CCDC9: variants seen among roughly 807,000 people sequenced by gnomAD.
CCDC9 encodes coiled-coil domain containing 9.
In CCDC9, 52 loss-of-function variants were observed where a neutral mutation model predicts 65.6. The ratio of observed to expected loss-of-function variants is 0.79; its 90% confidence interval spans 0.63 to 1.00. The LOEUF (loss-of-function observed/expected upper bound fraction) is 1.00. Among genes scored for constraint, CCDC9 ranks in the 50% least tolerant of loss-of-function variants. The pLI, the probability that CCDC9 is intolerant of heterozygous loss-of-function variation, is 0.00. For synonymous variants in CCDC9, 332 were observed against 280.3 expected (o/e 1.18, Z -1.84); for missense variants, 834 against 757.2 (o/e 1.10, Z -1.19).
At chr19:47,270,301 A>T (rs2059107219) in intron 8 of CCDC9, 106 bp from the exon 9 acceptor site, 2 of 1,083,090 alleles carry the variant, frequency 1.8e-6, no homozygotes, top group South Asian at 1.4e-5. Context: ...TGTCTGGTTG[A>T]CCGTCTGTCT....
chr19:47,273,654 G>A (rs1444677187), downstream of CCDC9: 1 of 391,082 alleles, frequency 2.6e-6, no homozygotes, highest in East Asian at 3.6e-5. Flanking sequence ...TCACGGCACT[G>A]GGACGGCTGG....
At chr19:47,273,291 G>A (rs1213886919), downstream of CCDC9, 1 of 989,096 alleles carries the variant, frequency 1.0e-6, no homozygotes, top group Non-Finnish European at 1.3e-6. Context: ...CGGGGGAGGG[G>A]TGCTGGGCCG....
At position 47,270,464 on chromosome 19, in the gene CCDC9, G is replaced by A. The variant is rs990933050; in HGVS notation, c.949+11G>A. On this transcript the variant is annotated intron_variant, in intron 9 of 11. Transcript: ENST00000221922. ...CATCCCACCGCTATGGTGAGTGGGT[G>A]CCCTTGGATGAGCTGAGGCTCGGTC... The A allele has an allele frequency of 3.1e-6, 5 of 1,614,106 alleles. No homozygotes were observed. In the African/African-American group the frequency reaches 6.7e-5, roughly 22 times the overall value.
chr19:47,261,938 T>C (rs1486394403), intron 5 of CCDC9, among the ~76,000 whole-genome samples: 2 of 151,744 alleles, frequency 1.3e-5, no homozygotes, highest in Non-Finnish European at 2.9e-5. Context: ...GAAGAATTGC[T>C]TGAACCTGGG....
chr19:47,267,286 G>C (rs1225449955), intron 8 of CCDC9, among the ~76,000 whole-genome samples: 1 of 146,896 alleles, frequency 6.8e-6, no homozygotes, highest in African/African-American at 2.5e-5. Flanking sequence ...TTTTCTTTTT[G>C]TTTTTGGAGA....
intron 7 of CCDC9, among the ~76,000 whole-genome samples, chr19:47,265,179 C>T (rs937268263): frequency 6.6e-6 from 1 of 152,060 alleles, no homozygotes; most frequent in Non-Finnish European, 1.5e-5. Flanking sequence ...CTCAGCCTCC[C>T]GAGTAGCTGG....
intron 5 of CCDC9, among the ~76,000 whole-genome samples, chr19:47,262,309 T>C (rs2059051519): frequency 6.7e-6 from 1 of 148,826 alleles, no homozygotes; most frequent in South Asian, 2.2e-4. Flanking sequence ...CTCCGCCTCC[T>C]GGGTTCAAGC....
intron 5 of CCDC9, among the ~76,000 whole-genome samples, chr19:47,261,818 C>T (rs867332109): frequency 1.0e-4 from 15 of 150,602 alleles, no homozygotes; most frequent in Non-Finnish European, 1.9e-4. Flanking sequence ...GTCAGGAGTT[C>T]GAGACCAGCC....
At chr19:47,275,645 T>G (rs768658847), downstream of CCDC9, 184 of 451,940 alleles carry the variant, frequency 4.1e-4, 2 homozygotes, top group Admixed American at 1.3e-4. Context: ...ATCTGCCTCT[T>G]CACCTCCCTG....
downstream of CCDC9, chr19:47,275,474 T>C: frequency 7.5e-7 from 1 of 1,339,524 alleles, no homozygotes; most frequent in Non-Finnish European, 9.8e-7. Flanking sequence ...TCTGGAGCCG[T>C]CATCCCGCGG....
chr19:47,274,870 G>C, downstream of CCDC9: 1 of 1,184,668 alleles, frequency 8.4e-7, no homozygotes, highest in Non-Finnish European at 1.0e-6. Flanking sequence ...GGGGCCTGGT[G>C]GGGGCGGGGC....
In CCDC9 at chr19:47,270,438, C is replaced by A. The variant is rs1365798136; in HGVS notation, c.934C>A (p.Pro312Thr). 1 of 1,614,194 alleles carries A rather than the reference C, an allele frequency of 6.2e-7. No individual in the cohort carries two copies. The highest frequency in any genetic ancestry group is 8.5e-7 in the Non-Finnish European group (1 of 1,180,030). The change falls in exon 9 of 12, where the codon CCA becomes ACA. Residue 312 changes from proline (P) to threonine (T), a missense_variant. Transcript: ENST00000221922. ...GGATGGCCCAGTCCCTGCCCATGAA[C>A]CATCCCACCGCTATGGTGAGTGGGT... The part of the protein sequence containing the change: ...FKDGPVPAHE[P>T]SHRYDDQAWA...
Position 47,271,689 on chromosome 19 carries a change from C to CTGCCTGTGTGTGTGTGTGTGTG in CCDC9, c.*13_*14insCCTGTGTGTGTGTGTGTGTGTG. 1 of 1,125,996 alleles carries CTGCCTGTGTGTGTGTGTGTGTG rather than the reference C, an allele frequency of 8.9e-7. No individual in the cohort carries two copies. The highest frequency in any genetic ancestry group is 1.7e-5 in the African/African-American group (1 of 58,548). The allele number at this position is 1,125,996 out of a possible 1,614,324, so 69.8% of individuals were successfully genotyped here. A position where few individuals can be genotyped will look rare whatever the true frequency, so the allele number is the denominator to read the frequency against. On this transcript the variant is annotated 3_prime_UTR_variant, in exon 12 of 12. Coordinates refer to ENST00000221922, the MANE Select transcript of CCDC9 (RefSeq NM_015603.3). The stretch of plus-strand genomic sequence containing the variant: ...TTTGAGAGTGTATGAAGCTGGCTGC[C>CTGCCTGTGTGTGTGTGTGTGTG]TGTGTGTGTGTGTGTGTGTGTGTGT...
Position 47,271,637 on chromosome 19 carries a change from G to C in CCDC9, c.1555G>C (p.Ala519Pro). The C allele has an allele frequency of 6.2e-7, 1 of 1,606,994 alleles. No individual in the cohort carries two copies. Among genetic ancestry groups the C allele is most frequent in the Non-Finnish European group, 8.5e-7 (1 of 1,176,430 alleles). Residue 519 changes from alanine (A) to proline (P), a missense_variant, in exon 12 of 12, where the codon GCC (alanine) becomes CCC (proline). Physicochemically the swap from Ala to Pro is conservative, Grantham distance 27 (BLOSUM62 -1). Transcript: ENST00000221922. ...TCCCCGGACCACTCACCTGGCTGGC[G>C]CCCTCTCCCCGGGTGAGGCCTGGCC... ...NSPRTTHLAG[A>P]LSPGEAWPFE...
downstream of CCDC9, chr19:47,274,865 C>G: frequency 1.1e-6 from 1 of 942,908 alleles, no homozygotes; most frequent in East Asian, 6.6e-5. Flanking sequence ...GGGGCGGGGC[C>G]TGGTGGGGGC....
intron 5 of CCDC9, among the ~76,000 whole-genome samples, chr19:47,264,324 G>A (rs901197230): frequency 2.6e-5 from 4 of 152,220 alleles, no homozygotes; most frequent in African/African-American, 9.6e-5. Context: ...CTGGAGGCTA[G>A]TTTTGAACGC....
At chr19:47,273,926 C>T (rs1409931353), downstream of CCDC9, 6 of 973,482 alleles carry the variant, frequency 6.2e-6, no homozygotes, top group South Asian at 9.5e-5. Flanking sequence ...AGGGGTCTTC[C>T]TCCACCCTTC....
intron 8 of CCDC9, among the ~76,000 whole-genome samples, 171 bp from the exon 9 acceptor site, chr19:47,270,236 G>C (rs538550580): frequency 6.6e-6 from 1 of 151,678 alleles, no homozygotes; most frequent in Non-Finnish European, 1.5e-5. Flanking sequence ...CCCAGAGTGC[G>C]GGGATTACAG....
At chr19:47,258,308 C>A in intron 1 of CCDC9, 22 bp from the exon 2 acceptor site, 2 of 1,438,438 alleles carry the variant, frequency 1.4e-6, no homozygotes, top group Admixed American at 1.7e-5. Flanking sequence ...GGCCTTTGTC[C>A]TTTTTTTCCC....
Sources: allele counts gnomAD v4.1 joint callset (sites outside exome capture counted in the v4.1 genomes callset), GRCh38; gene constraint gnomAD v4.1.1; transcripts MANE v1.5; gene names NCBI Gene and HGNC (gene_info 2026-07-23, HGNC 2026-07-21).